Variants in MAP4K4 observed in about 807,000 individuals in gnomAD.
MAP4K4 encodes mitogen-activated protein kinase kinase kinase kinase 4.
In MAP4K4, 38 loss-of-function variants were observed where a neutral mutation model predicts 189.6. The ratio of observed to expected loss-of-function variants is 0.20; its 90% CI spans 0.15 to 0.26. MAP4K4 has a LOEUF of 0.26. Among genes scored for constraint, MAP4K4 ranks in the 10% least tolerant of loss-of-function variants. MAP4K4 has a pLI of 1.00. For missense variants in MAP4K4, 1,054 were observed against 1,726.9 expected, an observed-to-expected ratio of 0.61 and a Z score of 6.91; for synonymous variants, 610 against 624.3, an observed-to-expected ratio of 0.98 and a Z score of 0.34.
At chr2:101,864,308 G>A (rs183633662) in intron 17 of MAP4K4, among the ~76,000 whole-genome samples, 1 of 152,010 alleles carries the variant, frequency 6.6e-6, no homozygotes, top group Non-Finnish European at 1.5e-5. Context: ...CAAAGAATAG[G>A]CTTCTTAAAC....
In MAP4K4 at chr2:101,892,981, T is replaced by G. The variant is rs532012806; in HGVS notation, c.*1732T>G. ...TCAGTCATCAAAAGAAACTTGCTGT[T>G]TTTTAGGCTTGATCTTTTTCCTTTG... is the stretch of plus-strand genomic sequence containing the variant. On this transcript the variant is annotated 3_prime_UTR_variant, in exon 33 of 33. Coordinates refer to ENST00000324219, the Ensembl canonical transcript of MAP4K4. The G allele has an allele frequency of 2.4e-4, 108 of 456,432 alleles. 2 individuals carry two copies. The highest frequency in any genetic ancestry group is 1.6e-3 in the South Asian group (101 of 64,572). 28.3% of individuals were successfully genotyped at this position (456,432 alleles called of 1,614,324 possible). A position where few individuals can be genotyped will look rare whatever the true frequency, so the allele number is the denominator to read the frequency against.
chr2:101,828,213 A>G (rs2096448705), intron 5 of MAP4K4, among the ~76,000 whole-genome samples: 1 of 152,206 alleles, frequency 6.6e-6, no homozygotes, highest in Admixed American at 6.5e-5. Context: ...GTGGGTGCTT[A>G]TGTTTGTTGT....
chr2:101,733,861 T>A (rs2059419776), intron 2 of MAP4K4, among the ~76,000 whole-genome samples: 1 of 152,164 alleles, frequency 6.6e-6, no homozygotes, highest in Admixed American at 6.5e-5. Context: ...CTGAGCCAGT[T>A]CTTTCACATA....
chr2:101,718,601 G>T (rs1252126452), intron 2 of MAP4K4, among the ~76,000 whole-genome samples: 2 of 117,806 alleles, frequency 1.7e-5, no homozygotes, highest in African/African-American at 6.2e-5. Flanking sequence ...AAGGGTGGGG[G>T]ATGGGGGGTG....
At chr2:101,768,412 C>T (rs1286039360) in intron 2 of MAP4K4, among the ~76,000 whole-genome samples, 1 of 152,224 alleles carries the variant, frequency 6.6e-6, no homozygotes, top group Non-Finnish European at 1.5e-5. Context: ...CAAATGAGTC[C>T]TGCATGCTGT....
intron 2 of MAP4K4, among the ~76,000 whole-genome samples, chr2:101,704,519 TTATG>T (rs1349446855): frequency 1.5e-5 from 1 of 68,586 alleles, no homozygotes; most frequent in Non-Finnish European, 2.8e-5. Flanking sequence ...AACCAATATT[TTATG>T]TGTGTGTGTG....
intron 21 of MAP4K4, among the ~76,000 whole-genome samples, chr2:101,868,719 G>T (rs1346976035): frequency 6.6e-6 from 1 of 152,250 alleles, no homozygotes; most frequent in African/African-American, 2.4e-5. Context: ...CAGGGTCGCA[G>T]TGTCTCTTCA....
chr2:101,759,090 G>A (rs1480335299), intron 2 of MAP4K4, among the ~76,000 whole-genome samples: 3 of 150,212 alleles, frequency 2.0e-5, no homozygotes, highest in Non-Finnish European at 3.0e-5. Context: ...CCGAGATCGC[G>A]TCACTGCACT....
chr2:101,846,167 T>A (rs1278591852), intron 12 of MAP4K4, among the ~76,000 whole-genome samples: 1 of 152,258 alleles, frequency 6.6e-6, no homozygotes, highest in Non-Finnish European at 1.5e-5. Context: ...TAATGCTTTT[T>A]GTAGCTAATT....
At chr2:101,744,881 C>T (rs2064502517) in intron 2 of MAP4K4, among the ~76,000 whole-genome samples, 1 of 152,164 alleles carries the variant, frequency 6.6e-6, no homozygotes, top group African/African-American at 2.4e-5. Flanking sequence ...GCCAGAGTTT[C>T]TCAGAGAGCA....
intron 2 of MAP4K4, among the ~76,000 whole-genome samples, chr2:101,789,291 C>G (rs1183754727): frequency 6.6e-6 from 1 of 152,164 alleles, no homozygotes; most frequent in Non-Finnish European, 1.5e-5. Context: ...ACAAAATCAT[C>G]ATTTGGTTTT....
intron 2 of MAP4K4, among the ~76,000 whole-genome samples, chr2:101,788,878 GA>G (rs1383530823): frequency 4.0e-5 from 6 of 149,454 alleles, no homozygotes; most frequent in African/African-American, 7.4e-5. Flanking sequence ...TTTGAAAAAA[GA>G]AAAAAAAAGA....
chr2:101,744,305 C>T (rs191929859), intron 2 of MAP4K4, among the ~76,000 whole-genome samples: 46 of 152,298 alleles, frequency 3.0e-4, no homozygotes, highest in Non-Finnish European at 5.7e-4. Flanking sequence ...TTAACAAATA[C>T]ATTAATTAGG....
At chr2:101,806,001 G>A (rs1376604507) in intron 3 of MAP4K4, among the ~76,000 whole-genome samples, 1 of 152,004 alleles carries the variant, frequency 6.6e-6, no homozygotes, top group Non-Finnish European at 1.5e-5. Context: ...TAAAGATAGG[G>A]AGACACAGCC....
chr2:101,868,978 G>C (rs1238820337), intron 21 of MAP4K4, among the ~76,000 whole-genome samples: 1 of 152,038 alleles, frequency 6.6e-6, no homozygotes, highest in Non-Finnish European at 1.5e-5. Flanking sequence ...CAAGCCTCTA[G>C]TTAAATAAGC....
intron 3 of MAP4K4, among the ~76,000 whole-genome samples, chr2:101,820,016 A>G (rs1005356580): frequency 1.2e-4 from 18 of 152,308 alleles, no homozygotes; most frequent in Admixed American, 9.1e-4. Flanking sequence ...GAGTATAAGA[A>G]CTAAAATGTG....
At chr2:101,873,717 G>T in exon 25 of MAP4K4, 1 of 1,612,928 alleles carries the variant, frequency 6.2e-7, no homozygotes, top group Non-Finnish European at 8.5e-7. Flanking sequence ...ATAGACCCCA[G>T]ATTACTACAG....
intron 2 of MAP4K4, among the ~76,000 whole-genome samples, chr2:101,754,432 A>G (rs1361458478): frequency 2.1e-5 from 3 of 146,318 alleles, no homozygotes; most frequent in Admixed American, 7.0e-5. Context: ...GCTCACTGCA[A>G]TCTCCACCTC....
chr2:101,734,501 A>C (rs377491753), intron 2 of MAP4K4, among the ~76,000 whole-genome samples: 5 of 152,220 alleles, frequency 3.3e-5, no homozygotes, highest in East Asian at 1.9e-4. Flanking sequence ...TAAAATTTAC[A>C]TTCTTTCGTA....
Sources: allele counts gnomAD v4.1 joint callset (sites outside exome capture counted in the v4.1 genomes callset), GRCh38; gene constraint gnomAD v4.1.1; transcripts MANE v1.5; gene names NCBI Gene and HGNC (gene_info 2026-07-23, HGNC 2026-07-21).